Variants in SEC24A observed in about 807,000 individuals in gnomAD.
SEC24A encodes protein transport protein Sec24A.
Under a neutral mutation model 129.4 loss-of-function variants are expected in SEC24A, and 93 were observed. The observed-to-expected ratio is 0.72, with a 90% CI of 0.61 to 0.85. SEC24A has a LOEUF of 0.85. Ranked by LOEUF, SEC24A falls within the 40% of genes least tolerant of loss-of-function variation. SEC24A has a pLI of 0.00. For synonymous variants in SEC24A, 460 were observed against 467.3 expected (o/e 0.98, Z 0.20); for missense variants, 1,264 against 1,307.4 (o/e 0.97, Z 0.51).
In SEC24A at chr5:134,648,924, G is replaced by C. The variant is rs370152717; in HGVS notation, c.-153G>C. ...CCGCCGGTGGCCTGGGGAGAGTGCG[G>C]CGCCATGCCTCGGGCTTAATGCGCC... On this transcript the variant is annotated 5_prime_UTR_variant, in exon 1 of 23. Transcript: ENST00000398844. 1.1e-5 allele frequency: 6 copies of C among 568,778 alleles called. No individual in the cohort carries two copies. The highest frequency in any genetic ancestry group is 1.9e-5 in the Non-Finnish European group (6 of 315,028). 35.2% of individuals were successfully genotyped at this position (568,778 alleles called of 1,614,324 possible).
At chr5:134,698,200 A>G in intron 15 of SEC24A, 143 bp downstream of exon 15, 1 of 657,152 alleles carries the variant, frequency 1.5e-6, no homozygotes, top group Non-Finnish European at 2.5e-6. Flanking sequence ...GAGAAGAAAC[A>G]CTGTAACCAA....
rs910073023 is a variant in SEC24A at position 134,726,391 on chromosome 5, T to A, written c.*1297T>A. 3 of 152,588 alleles carry A rather than the reference T, an allele frequency of 2.0e-5. No homozygotes were observed. Among genetic ancestry groups the A allele is most frequent in the African/African-American group, 7.2e-5 (3 of 41,462 alleles). 9.5% of individuals were successfully genotyped at this position (152,588 alleles called of 1,614,324 possible). On this transcript the variant is annotated 3_prime_UTR_variant, in exon 23 of 23. Transcript: ENST00000398844. Reference sequence around the variant, plus strand: ...GTTCATGTATAATACTTGATCAAAATATTTTTGGGTTTTTTGTTTTGTTTT... The same window carrying A: ...GTTCATGTATAATACTTGATCAAAAAATTTTTGGGTTTTTTGTTTTGTTTT...
At chr5:134,677,182 C>T (rs1411495037) in intron 7 of SEC24A, among the ~76,000 whole-genome samples, 2 of 152,084 alleles carry the variant, frequency 1.3e-5, no homozygotes, top group Non-Finnish European at 2.9e-5. Context: ...GAGTTCAAGA[C>T]CAGCTTAGTC....
intron 21 of SEC24A, 65 bp downstream of exon 21, chr5:134,721,155 C>A: frequency 1.1e-6 from 1 of 918,622 alleles, no homozygotes; most frequent in East Asian, 2.5e-5. Context: ...ATGAATATCC[C>A]CTATTTTGAT....
Position 134,708,021 on chromosome 5 carries a change from C to T in SEC24A, c.2552-692C>T, listed in dbSNP as rs139371129. Among the ~76,000 whole-genome samples, 830 of 152,194 alleles carry T rather than the reference C, an allele frequency of 5.5e-3. 4 individuals are homozygous for T. The highest frequency in any genetic ancestry group is 0.041 in the Middle Eastern group (12 of 294). Reference sequence around the variant, plus strand: ...GCACATGTCTGTAGTCCCAGCTACTCAGGAGGCTGAGGCAGGATAATTGCT... The same window carrying T: ...GCACATGTCTGTAGTCCCAGCTACTTAGGAGGCTGAGGCAGGATAATTGCT... On this transcript the variant is annotated intron_variant, in intron 17 of 22. Coordinates refer to ENST00000398844, the MANE Select transcript of SEC24A (RefSeq NM_021982.3).
chr5:134,651,836 A>G (rs940777199), intron 1 of SEC24A, among the ~76,000 whole-genome samples: 1 of 151,262 alleles, frequency 6.6e-6, no homozygotes, highest in Non-Finnish European at 1.5e-5. Context: ...AGAACAGGAT[A>G]TTTTTCAAGA....
chr5:134,679,682 T>C lies in SEC24A; in HGVS notation c.1335T>C (p.Leu445=). ...RTYINPFVSF[L]DQRRWKCNLC... is the part of the protein sequence containing the mutation. ...ACATCAATCCTTTCGTCAGCTTTCT[T>C]GATCAAAGGAGATGGAAGTGTAACT... The change falls in exon 8 of 23, where the codon CTT becomes CTC. Residue 445 remains leucine (L), a synonymous_variant. Coordinates refer to ENST00000398844, the MANE Select transcript of SEC24A (RefSeq NM_021982.3). The C allele has an allele frequency of 6.2e-7, 1 of 1,601,614 alleles. No homozygotes were observed. The highest frequency in any genetic ancestry group is 1.1e-5 in the South Asian group (1 of 89,622).
At position 134,703,798 on chromosome 5, in the gene SEC24A, G is replaced by A. The variant is rs748566879; in HGVS notation, c.2306G>A (p.Arg769Lys). 2 of 1,613,398 alleles carry A rather than the reference G, an allele frequency of 1.2e-6. No individual in the cohort carries two copies. The highest frequency in any genetic ancestry group is 3.3e-5 in the Admixed American group (2 of 59,938). Reference protein sequence around the residue: ...IHTFHGNFFVRSTDLLSLPNV... With the variant: ...IHTFHGNFFVKSTDLLSLPNV... The stretch of plus-strand genomic sequence containing the variant: ...ACTTTCCATGGAAACTTCTTTGTTA[G>A]GTCAACCGACTTACTGTCTTTGCCT... Residue 769 changes from arginine (R) to lysine (K), a missense_variant, in exon 16 of 23, where the codon AGG (arginine) becomes AAG (lysine). Coordinates refer to ENST00000398844, the MANE Select transcript of SEC24A (RefSeq NM_021982.3).
chr5:134,724,491 G>T (rs1009702469), intron 22 of SEC24A, among the ~76,000 whole-genome samples: 2 of 152,114 alleles, frequency 1.3e-5, no homozygotes, highest in Non-Finnish European at 2.9e-5. Context: ...GGGAGGCTGA[G>T]GCAGGAGAAT....
At chr5:134,710,101 G>A (rs1387130001) in intron 18 of SEC24A, among the ~76,000 whole-genome samples, 3 of 151,812 alleles carry the variant, frequency 2.0e-5, no homozygotes, top group Non-Finnish European at 4.4e-5. Context: ...GTTTCACCAT[G>A]TTGGTCAGGC....
intron 9 of SEC24A, among the ~76,000 whole-genome samples, chr5:134,684,495 T>G (rs1261106900): frequency 6.7e-6 from 1 of 149,042 alleles, no homozygotes; most frequent in Non-Finnish European, 1.5e-5. Context: ...GGCGGATGAC[T>G]GGAGGTCAGG....
chr5:134,668,431 A>G (rs889762328), intron 3 of SEC24A, among the ~76,000 whole-genome samples: 1 of 152,048 alleles, frequency 6.6e-6, no homozygotes, highest in Admixed American at 6.6e-5. Context: ...TCTACTAAAA[A>G]TACAGAAATT....
In SEC24A at chr5:134,670,118, G is replaced by C. The variant is rs370021451; in HGVS notation, c.740-1691G>C. Among the ~76,000 whole-genome samples the C allele has an allele frequency of 3.3e-5, 5 of 152,148 alleles. No individual in the cohort carries two copies. The East Asian group carries it at 7.7e-4, about 23-fold the overall frequency. On this transcript the variant is annotated intron_variant, in intron 3 of 22. Coordinates refer to ENST00000398844, the MANE Select transcript of SEC24A (RefSeq NM_021982.3). Reference sequence around the variant, plus strand: ...ATTTTTGTATTTTCAGTAGATACAGGGTTTTCCCATGTTGCCCAGGCTGGT... The same window carrying C: ...ATTTTTGTATTTTCAGTAGATACAGCGTTTTCCCATGTTGCCCAGGCTGGT...
chr5:134,708,614 C>G, intron 17 of SEC24A, 99 bp from the exon 18 acceptor site: 1 of 1,063,560 alleles, frequency 9.4e-7, no homozygotes. Flanking sequence ...TGGAGAGATA[C>G]TTGGTATAGT....
chr5:134,672,412 T>C, intron 4 of SEC24A, among the ~76,000 whole-genome samples: 1 of 152,182 alleles, frequency 6.6e-6, no homozygotes, highest in Non-Finnish European at 1.5e-5. Context: ...GTCCTCTAAC[T>C]CCTGACCTCA....
rs141898676 is a variant in SEC24A, at chr5:134,697,170, C to T, written c.2031C>T (p.Ala677=). Residue 677 remains alanine (A), a synonymous_variant, in exon 14 of 23, where the codon GCC becomes GCT. Transcript: ENST00000398844. ...CCACTGACTTCTATAAGAAATTAGC[C>T]TTGGACTGTTCTGGTCAGCAAGTTG... is the stretch of plus-strand genomic sequence containing the variant. ...TPSTDFYKKL[A]LDCSGQQVAV... The T allele has an allele frequency of 1.3e-6, 2 of 1,587,678 alleles. No individual in the cohort carries two copies. The highest frequency in any genetic ancestry group is 1.3e-5 in the African/African-American group (1 of 74,462).
At chr5:134,670,241 C>A (rs1207057703) in intron 3 of SEC24A, among the ~76,000 whole-genome samples, 2 of 152,132 alleles carry the variant, frequency 1.3e-5, no homozygotes, top group Admixed American at 6.6e-5. Context: ...TTTTTAACAA[C>A]TAAAAATAAT....
chr5:134,721,206 G>A (rs1752618050), intron 21 of SEC24A, 116 bp downstream of exon 21: 1 of 635,000 alleles, frequency 1.6e-6, no homozygotes, highest in Non-Finnish European at 2.8e-6. Context: ...AATTTTTATT[G>A]ATGGGTTTTC....
intron 20 of SEC24A, among the ~76,000 whole-genome samples, chr5:134,720,785 C>T (rs942340041): frequency 6.6e-6 from 1 of 152,058 alleles, no homozygotes; most frequent in East Asian, 1.9e-4. Flanking sequence ...CGCCTGTAGT[C>T]CCAGCTACTC....
Sources: gnomAD v4.1 joint callset for allele counts (sites outside exome capture counted in the v4.1 genomes callset) on GRCh38, gnomAD v4.1.1 for gene constraint, MANE v1.5 for transcripts, NCBI Gene and HGNC (gene_info 2026-07-23, HGNC 2026-07-21) for gene names.